The following FILIP1 variants were observed in gnomAD, a reference collection of about 807,000 sequenced individuals.
FILIP1 encodes filamin-A-interacting protein 1.
Under a neutral mutation model 102.1 loss-of-function variants are expected in FILIP1, and 61 were observed. The observed-to-expected ratio is 0.60, with a 90% CI of 0.49 to 0.74. The LOEUF (loss-of-function observed/expected upper bound fraction) is 0.74. Among genes scored for constraint, FILIP1 ranks in the 30% least tolerant of loss-of-function variants. The pLI, the probability that FILIP1 is intolerant of heterozygous loss-of-function variation, is 0.00. For missense variants in FILIP1, 1,314 were observed against 1,441.2 expected, an observed-to-expected ratio of 0.91 and a Z score of 1.43; for synonymous variants, 491 against 526.9, an observed-to-expected ratio of 0.93 and a Z score of 0.93.
In FILIP1 at chr6:75,362,810, G is replaced by A; in HGVS notation, c.384C>T (p.His128=). ...AEPEKVLRVL[H]RDAILAQEKS... ...TCTCCTGGGCAAGAATGGCATCTCG[G>A]TGCAGGACCCGCAGCACTTTCTCTG... is the stretch of plus-strand genomic sequence containing the variant. The change falls in exon 3 of 6, where the codon CAC becomes CAT. Residue 128 remains histidine (H), a synonymous_variant. Transcript: ENST00000237172. The A allele has an allele frequency of 6.2e-7, 1 of 1,613,808 alleles. No individual in the cohort carries two copies. Among genetic ancestry groups the A allele is most frequent in the Non-Finnish European group, 8.5e-7 (1 of 1,180,020 alleles).
chr6:75,303,684 C>T (rs1489550146), downstream of FILIP1, among the ~76,000 whole-genome samples: 6 of 151,564 alleles, frequency 4.0e-5, no homozygotes, highest in East Asian at 1.2e-3. Context: ...ATTTGGATAG[C>T]CTGCCCCAGA....
chr6:75,410,856 T>C (rs1777043460), intron 2 of FILIP1, among the ~76,000 whole-genome samples: 2 of 152,200 alleles, frequency 1.3e-5, no homozygotes, highest in African/African-American at 4.8e-5. Context: ...TTTTTTGCTA[T>C]TGTGAATAGT....
intron 2 of FILIP1, among the ~76,000 whole-genome samples, chr6:75,383,760 G>A (rs1775981931): frequency 6.6e-6 from 1 of 152,098 alleles, no homozygotes; most frequent in South Asian, 2.1e-4. Flanking sequence ...TTATCAGATA[G>A]ACACTATTAT....
At chr6:75,375,759 A>G (rs1775730642) in intron 2 of FILIP1, among the ~76,000 whole-genome samples, 2 of 152,232 alleles carry the variant, frequency 1.3e-5, no homozygotes, top group South Asian at 4.1e-4. Flanking sequence ...TGAATCACAT[A>G]ACATTGAATT....
chr6:75,338,246 G>T (rs889175421), intron 4 of FILIP1, among the ~76,000 whole-genome samples: 31 of 152,182 alleles, frequency 2.0e-4, no homozygotes, highest in African/African-American at 7.2e-4. Flanking sequence ...TGCAGTTAAA[G>T]CTCACATTCA....
intron 4 of FILIP1, among the ~76,000 whole-genome samples, chr6:75,349,514 G>A (rs1234605105): frequency 6.6e-6 from 1 of 152,208 alleles, no homozygotes; most frequent in East Asian, 1.9e-4. Flanking sequence ...GTTCACAGTA[G>A]AAACAAAGGG....
At position 75,313,593 on chromosome 6, in the gene FILIP1, C is replaced by G. The variant is rs1773297237; in HGVS notation, c.2239G>C (p.Asp747His). ...AATCTTTGTTGAAGTACAGAATAAT[C>G]TACCTGGAGCTGAGAAAGCTGATCT... The part of the protein sequence containing the change: ...KEDQLSQLQV[D>H]YSVLQQRFME... Residue 747 changes from aspartate to histidine, a missense_variant, in exon 5 of 6, where the codon GAT becomes CAT. Physicochemically the swap from Asp to His is moderately conservative, Grantham distance 81. Transcript: ENST00000237172. This position sits in a 1 kb window ranked among gnomAD's most constrained non-coding sequence, Gnocchi z 4.2. The G allele has an allele frequency of 6.2e-7, 1 of 1,611,008 alleles. No individual in the cohort carries two copies. Among genetic ancestry groups the G allele is most frequent in the Non-Finnish European group, 8.5e-7 (1 of 1,179,202 alleles).
At chr6:75,327,625 C>G (rs1773914481) in intron 4 of FILIP1, among the ~76,000 whole-genome samples, 1 of 150,568 alleles carries the variant, frequency 6.6e-6, no homozygotes, top group African/African-American at 2.4e-5. Flanking sequence ...TTTCAAAACA[C>G]TCTCCAGATC....
chr6:75,444,085 T>C (rs1266132461), intron 1 of FILIP1, among the ~76,000 whole-genome samples: 2 of 152,328 alleles, frequency 1.3e-5, no homozygotes, highest in Non-Finnish European at 2.9e-5. Flanking sequence ...ATGACTCAAA[T>C]ATAATTTTGT....
At position 75,313,289 on chromosome 6, in the gene FILIP1, T is replaced by G; in HGVS notation, c.2543A>C (p.Glu848Ala). 1 of 1,614,232 alleles carries G rather than the reference T, an allele frequency of 6.2e-7. No individual in the cohort carries two copies. Among genetic ancestry groups the G allele is most frequent in the East Asian group, 2.2e-5 (1 of 44,888 alleles). ...LRQVGLKKPV[E>A]RSSVLDRYPP... ...ATACCTGTCTAGAACAGAAGATCTT[T>G]CCACGGGTTTCTTCAATCCCACCTG... The change falls in exon 5 of 6, where the codon GAA becomes GCA. Residue 848 changes from glutamate (E) to alanine (A), a missense_variant. By Grantham distance (107) the Glu-to-Ala change is moderately radical. This residue lies in a region of FILIP1 where 816 missense variants were observed against 913.1 expected (regional missense o/e 0.89). Coordinates refer to ENST00000237172, the MANE Select transcript of FILIP1 (RefSeq NM_015687.5). This position sits in a 1 kb window ranked among gnomAD's most constrained non-coding sequence, Gnocchi z 4.2.
intron 6 of FILIP1, among the ~76,000 whole-genome samples, chr6:75,300,011 C>T (rs1328537702): frequency 6.6e-6 from 1 of 152,136 alleles, no homozygotes; most frequent in Non-Finnish European, 1.5e-5. Context: ...CAGGAGGTCT[C>T]CTTGGCTGTA....
chr6:75,369,380 C>T (rs940891150), intron 2 of FILIP1, among the ~76,000 whole-genome samples: 2 of 152,112 alleles, frequency 1.3e-5, no homozygotes, highest in South Asian at 2.1e-4. Flanking sequence ...TGACAAACAC[C>T]GGTCAGAAAG....
intron 1 of FILIP1, among the ~76,000 whole-genome samples, chr6:75,484,395 TGTCTTTTAAAGTACTTTTAAAGTAC>T (rs1779726498): frequency 2.9e-4 from 1 of 3,472 alleles, no homozygotes; most frequent in South Asian, 0.029. Flanking sequence ...TTGAAAGTAC[TGTCTTTTAAAGTACTTTTAAAGTAC>T]TGTCTTTTAA....
intron 6 of FILIP1, among the ~76,000 whole-genome samples, chr6:75,299,366 G>T (rs1374163786): frequency 6.6e-6 from 1 of 152,094 alleles, no homozygotes; most frequent in African/African-American, 2.4e-5. Flanking sequence ...TGACAATAGT[G>T]ATTTGGAGAG....
chr6:75,467,356 T>C (rs1168462104), intron 1 of FILIP1, among the ~76,000 whole-genome samples: 1 of 152,196 alleles, frequency 6.6e-6, no homozygotes, highest in African/African-American at 2.4e-5. Context: ...CTCAAATGAC[T>C]AGGGTGACTG....
chr6:75,328,510 T>C (rs187379086), intron 4 of FILIP1, among the ~76,000 whole-genome samples: 340 of 151,816 alleles, frequency 2.2e-3, no homozygotes, highest in Non-Finnish European at 4.2e-3. Context: ...TTTGTTTCTT[T>C]TGAGATGGAG....
intron 2 of FILIP1, among the ~76,000 whole-genome samples, chr6:75,379,281 A>C (rs941423650): frequency 6.6e-6 from 1 of 152,206 alleles, no homozygotes; most frequent in Non-Finnish European, 1.5e-5. Context: ...AGTTTTTTAA[A>C]ATATAGAAAT....
chr6:75,470,088 T>C (rs926486961), intron 1 of FILIP1, among the ~76,000 whole-genome samples: 4 of 152,084 alleles, frequency 2.6e-5, no homozygotes, highest in African/African-American at 9.7e-5. Context: ...AGTAAAACCA[T>C]AGTAAGTTGT....
chr6:75,418,865 C>T (rs1360953041), intron 1 of FILIP1, among the ~76,000 whole-genome samples: 1 of 152,062 alleles, frequency 6.6e-6, no homozygotes, highest in African/African-American at 2.4e-5. Context: ...CTTACTTTTC[C>T]ATTCATAGTA....
Sources: gnomAD v4.1 joint callset for allele counts (sites outside exome capture counted in the v4.1 genomes callset) on GRCh38, gnomAD v4.1.1 for gene constraint, gnomAD v4.1.1 regional missense constraint, Gnocchi (gnomAD v3.1) non-coding constraint, MANE v1.5 for transcripts, NCBI Gene and HGNC (gene_info 2026-07-23, HGNC 2026-07-21) for gene names.